The following LAMA2 variants were observed in gnomAD, a reference collection of about 807,000 sequenced individuals.
LAMA2 encodes laminin subunit alpha-2.
Under a neutral mutation model 364.8 loss-of-function variants are expected in LAMA2, and 269 were observed. That is an observed-to-expected ratio of 0.74 (90% CI 0.67 to 0.82). The LOEUF is 0.82. Among genes scored for constraint, LAMA2 ranks in the 40% least tolerant of loss-of-function variants. The pLI, the probability that LAMA2 is intolerant of heterozygous loss-of-function variation, is 0.00. For synonymous variants in LAMA2, 1,379 were observed against 1,370.6 expected (o/e 1.01, Z -0.14); for missense variants, 3,807 against 3,873.2 (o/e 0.98, Z 0.45).
intron 1 of LAMA2, among the ~76,000 whole-genome samples, chr6:128,912,386 A>G (rs1215529233): frequency 6.6e-6 from 1 of 152,196 alleles, no homozygotes; most frequent in African/African-American, 2.4e-5. Flanking sequence ...ACTAAAGATA[A>G]AAGTTGGCTC....
intron 4 of LAMA2, among the ~76,000 whole-genome samples, chr6:129,118,463 T>C (rs1776601987): frequency 6.6e-6 from 1 of 152,206 alleles, no homozygotes; most frequent in Non-Finnish European, 1.5e-5. Flanking sequence ...TAAGATAGCA[T>C]ATGTGCATAT....
intron 1 of LAMA2, among the ~76,000 whole-genome samples, chr6:128,895,573 G>C (rs553683706): frequency 6.6e-6 from 1 of 152,066 alleles, no homozygotes; most frequent in East Asian, 1.9e-4. Flanking sequence ...GCGTGAATCC[G>C]GGAGGAGGAG....
intron 4 of LAMA2, among the ~76,000 whole-genome samples, chr6:129,112,845 TA>T (rs1407295423): frequency 1.3e-4 from 20 of 151,966 alleles, no homozygotes; most frequent in African/African-American, 4.6e-4. Context: ...TGACTCACCA[TA>T]ATTATTTCAC....
intron 8 of LAMA2, chr6:129,158,219 G>A: frequency 6.2e-7 from 1 of 1,613,954 alleles, no homozygotes; most frequent in Non-Finnish European, 8.5e-7. Flanking sequence ...GCTGAGTCCA[G>A]GAACCTGTAC....
At chr6:129,284,155 A>T (rs754167903) in intron 18 of LAMA2, among the ~76,000 whole-genome samples, 3 of 152,154 alleles carry the variant, frequency 2.0e-5, no homozygotes, top group Admixed American at 6.6e-5. Flanking sequence ...TCTTTTGCTG[A>T]TTATGTCAAA....
intron 1 of LAMA2, among the ~76,000 whole-genome samples, chr6:128,911,479 C>T (rs571493578): frequency 1.3e-5 from 2 of 152,292 alleles, no homozygotes; most frequent in South Asian, 4.1e-4. Context: ...TGAGGCAATG[C>T]CTCACCCTGC....
At chr6:129,252,442 A>AT (rs1387026560) in intron 14 of LAMA2, 147 bp downstream of exon 14, 1 of 665,816 alleles carries the variant, frequency 1.5e-6, no homozygotes. Context: ...TTTCTGAAAG[A>AT]TTTTTCTCTT....
intron 30 of LAMA2, among the ~76,000 whole-genome samples, chr6:129,344,396 T>C (rs1776432390): frequency 6.6e-6 from 1 of 152,176 alleles, no homozygotes; most frequent in Non-Finnish European, 1.5e-5. Context: ...GACAGGTTTT[T>C]AGGCAGGTTA....
At chr6:128,953,968 T>C (rs1191241043) in intron 1 of LAMA2, among the ~76,000 whole-genome samples, 1 of 152,188 alleles carries the variant, frequency 6.6e-6, no homozygotes, top group Non-Finnish European at 1.5e-5. Flanking sequence ...TCAAAAAGTT[T>C]AGGGATCAAA....
chr6:129,175,504 C>CA (rs1249281977), intron 9 of LAMA2, among the ~76,000 whole-genome samples: 1 of 152,178 alleles, frequency 6.6e-6, no homozygotes, highest in Non-Finnish European at 1.5e-5. Flanking sequence ...GAATTTGCTT[C>CA]ATAAATTGAA....
intron 28 of LAMA2, among the ~76,000 whole-genome samples, chr6:129,325,659 A>G (rs2114525510): frequency 6.6e-6 from 1 of 152,168 alleles, no homozygotes; most frequent in Admixed American, 6.5e-5. Flanking sequence ...ATCAAAACTA[A>G]TCTAAAATGT....
intron 1 of LAMA2, among the ~76,000 whole-genome samples, chr6:128,967,778 C>T (rs533507559): frequency 3.9e-5 from 6 of 152,176 alleles, no homozygotes; most frequent in African/African-American, 9.6e-5. Flanking sequence ...AATTGGATTC[C>T]GACTTTTACA....
At chr6:129,158,768 A>G in intron 8 of LAMA2, 1 of 1,614,218 alleles carries the variant, frequency 6.2e-7, no homozygotes, top group Non-Finnish European at 8.5e-7. Flanking sequence ...TGTCCGGCGT[A>G]GCTGGGCTTT....
Position 129,078,220 on chromosome 6 carries a change from C to T in LAMA2, c.396+18324C>T, listed in dbSNP as rs918237316. On this transcript the variant is annotated intron_variant, in intron 3 of 64. Transcript: ENST00000421865. The stretch of plus-strand genomic sequence containing the variant: ...CACAATGTCGGCTCACTGCAGCCTC[C>T]GCCTCTAGCATTCAAGCGATTCTCC... 5.9e-5 allele frequency among the ~76,000 whole-genome samples: 9 copies of T among 151,850 alleles called. No individual in the cohort carries two copies. In the South Asian group the frequency reaches 1.0e-3, roughly 18 times the overall value.
At chr6:129,460,060 A>G (rs964049290) in intron 48 of LAMA2, 140 bp from the exon 49 acceptor site, 52 of 793,838 alleles carry the variant, frequency 6.6e-5, no homozygotes, top group African/African-American at 3.4e-5. Context: ...TGATGAAAAG[A>G]TGAATATGTA....
chr6:129,485,372 T>TA (rs1188770339), intron 55 of LAMA2, among the ~76,000 whole-genome samples: 1 of 152,244 alleles, frequency 6.6e-6, no homozygotes, highest in African/African-American at 2.4e-5. Flanking sequence ...TAAAGTAAGT[T>TA]AAAATGACAT....
chr6:129,138,777 G>A (rs1777949004), intron 4 of LAMA2, among the ~76,000 whole-genome samples: 2 of 152,078 alleles, frequency 1.3e-5, no homozygotes, highest in African/African-American at 4.8e-5. Flanking sequence ...AATTCATAAA[G>A]ATGATAATAC....
At chr6:129,162,678 C>G (rs1043886596) in intron 8 of LAMA2, among the ~76,000 whole-genome samples, 1 of 151,326 alleles carries the variant, frequency 6.6e-6, no homozygotes, top group East Asian at 1.9e-4. Context: ...TTTCTTTGTT[C>G]TATATATATA....
At position 128,899,785 on chromosome 6, in the gene LAMA2, T is replaced by C. The variant is rs554771126; in HGVS notation, c.112+16428T>C. The stretch of plus-strand genomic sequence containing the variant: ...TATCTTGCTTCTTGAGTTTTTTTTT[T>C]CCCCTCTAAGGATATTCCAGTAAGA... On this transcript the variant is annotated intron_variant, in intron 1 of 64. Coordinates refer to ENST00000421865, the MANE Select transcript of LAMA2 (RefSeq NM_000426.4). 1.6e-4 allele frequency among the ~76,000 whole-genome samples: 25 copies of C among 152,244 alleles called. No homozygotes were observed. The East Asian group carries it at 1.9e-3, about 12-fold the overall frequency.
Sources: allele counts gnomAD v4.1 joint callset (sites outside exome capture counted in the v4.1 genomes callset), GRCh38; gene constraint gnomAD v4.1.1; transcripts MANE v1.5; gene names NCBI Gene and HGNC (gene_info 2026-07-23, HGNC 2026-07-21).